Variants in MYO1D observed in about 807,000 individuals in gnomAD.
MYO1D encodes the protein unconventional myosin-Id.
MYO1D carries 83 observed loss-of-function variants against 122.0 expected under a neutral mutation model. The observed-to-expected ratio is 0.68, with a 90% CI of 0.57 to 0.82. MYO1D has a LOEUF of 0.82. Ranked by LOEUF, MYO1D falls within the 40% of genes least tolerant of loss-of-function variation. The pLI is 0.00. For missense variants in MYO1D, 1,157 were observed against 1,269.5 expected (o/e 0.91, Z 1.35); for synonymous variants, 464 against 446.9 (o/e 1.04, Z -0.48).
intron 21 of MYO1D, among the ~76,000 whole-genome samples, chr17:32,581,703 G>C (rs2087341708): frequency 6.6e-6 from 1 of 151,558 alleles, no homozygotes; most frequent in Non-Finnish European, 1.5e-5. Context: ...CTCCTAACTA[G>C]CTGAGAATAC....
chr17:32,543,713 C>T (rs924972264), intron 21 of MYO1D, among the ~76,000 whole-genome samples: 7 of 152,316 alleles, frequency 4.6e-5, no homozygotes, highest in East Asian at 3.9e-4. Flanking sequence ...TGGAGTGTGC[C>T]TAGCACAGAT....
chr17:32,675,182 A>G (rs2088789545), intron 16 of MYO1D, among the ~76,000 whole-genome samples: 2 of 152,224 alleles, frequency 1.3e-5, no homozygotes, highest in Admixed American at 6.5e-5. Flanking sequence ...ATGGTTTATC[A>G]TAACAGTGGG....
chr17:32,517,775 T>C (rs1909945859), intron 21 of MYO1D, among the ~76,000 whole-genome samples: 1 of 152,246 alleles, frequency 6.6e-6, no homozygotes, highest in Admixed American at 6.5e-5. Flanking sequence ...TTTAATTGAT[T>C]TATCACACTT....
At chr17:32,532,081 C>A (rs1910522174) in intron 21 of MYO1D, among the ~76,000 whole-genome samples, 1 of 152,188 alleles carries the variant, frequency 6.6e-6, no homozygotes, top group African/African-American at 2.4e-5. Context: ...CAAGGTCCTG[C>A]ACTGTGCCAT....
intron 6 of MYO1D, 90 bp from the exon 7 acceptor site, chr17:32,767,842 T>A (rs1380538233): frequency 2.2e-6 from 2 of 913,986 alleles, no homozygotes; most frequent in Admixed American, 1.9e-5. Flanking sequence ...ACCAAGGTTT[T>A]GCCTTCATAG....
intron 1 of MYO1D, among the ~76,000 whole-genome samples, chr17:32,861,523 C>T (rs886204384): frequency 2.0e-5 from 3 of 152,116 alleles, no homozygotes; most frequent in Non-Finnish European, 2.9e-5. Context: ...AATGTGTTGT[C>T]ACCCTGATGT....
chr17:32,717,143 T>C (rs1339235411), intron 15 of MYO1D, among the ~76,000 whole-genome samples: 1 of 152,238 alleles, frequency 6.6e-6, no homozygotes, highest in African/African-American at 2.4e-5. Flanking sequence ...CCTCAAGTGG[T>C]TGTCAGTTCC....
intron 20 of MYO1D, among the ~76,000 whole-genome samples, chr17:32,631,274 G>A (rs1377639758): frequency 1.3e-5 from 2 of 152,126 alleles, no homozygotes; most frequent in Admixed American, 6.5e-5. Flanking sequence ...GCCATATGAT[G>A]GAATAATTTT....
chr17:32,800,414 A>G (rs2151042701), intron 1 of MYO1D, among the ~76,000 whole-genome samples: 1 of 152,350 alleles, frequency 6.6e-6, no homozygotes, highest in Middle Eastern at 3.4e-3. Context: ...ATGAACCTAG[A>G]GGACATTATG....
chr17:32,732,838 A>T (rs891482072), intron 14 of MYO1D, among the ~76,000 whole-genome samples: 1 of 152,190 alleles, frequency 6.6e-6, no homozygotes, highest in Non-Finnish European at 1.5e-5. Flanking sequence ...CCCTTCAGGG[A>T]GCCCAGACCT....
At chr17:32,772,469 C>T (rs2090124008) in intron 5 of MYO1D, among the ~76,000 whole-genome samples, 1 of 152,124 alleles carries the variant, frequency 6.6e-6, no homozygotes, top group Admixed American at 6.6e-5. Flanking sequence ...ATTAATTTAA[C>T]ATTTAGAATG....
At chr17:32,638,999 G>A (rs1479310953) in intron 19 of MYO1D, among the ~76,000 whole-genome samples, 164 bp from the exon 20 acceptor site, 1 of 152,090 alleles carries the variant, frequency 6.6e-6, no homozygotes, top group Non-Finnish European at 1.5e-5. Context: ...TGTGGAATTT[G>A]GCAATTGAAA....
chr17:32,554,775 G>T (rs530101759), intron 21 of MYO1D, among the ~76,000 whole-genome samples: 1 of 152,134 alleles, frequency 6.6e-6, no homozygotes, highest in Non-Finnish European at 1.5e-5. Context: ...CATGAAACAC[G>T]TACAAATCAC....
At position 32,780,568 on chromosome 17, in the gene MYO1D, C is replaced by G; in HGVS notation, c.304+8G>C. On this transcript the variant is annotated splice_region_variant and intron_variant, in intron 2 of 21. Transcript: ENST00000318217. The stretch of plus-strand genomic sequence containing the variant: ...ACTTTGGAAATACAGGGGATCCCCT[C>G]CAATTACCTGATATCACAATACAAG... 6.2e-7 allele frequency: 1 copy of G among 1,613,150 alleles called. No individual in the cohort carries two copies. Among genetic ancestry groups the G allele is most frequent in the Non-Finnish European group, 8.5e-7 (1 of 1,179,568 alleles).
chr17:32,527,641 T>TA (rs36077873), intron 21 of MYO1D, among the ~76,000 whole-genome samples: 27,376 of 150,896 alleles, frequency 0.18, 2,848 homozygotes, highest in East Asian at 0.48. Flanking sequence ...AAAAATAAGA[T>TA]AAAAAAAATA....
At chr17:32,632,586 T>TATATACACAC (rs1480751438) in intron 20 of MYO1D, 4 of 96,570 alleles carry the variant, frequency 4.1e-5, no homozygotes. Flanking sequence ...TATATATATA[T>TATATACACAC]ACACACACAC....
intron 1 of MYO1D, among the ~76,000 whole-genome samples, chr17:32,781,972 T>C (rs2090243809): frequency 6.6e-6 from 1 of 152,216 alleles, no homozygotes; most frequent in Non-Finnish European, 1.5e-5. Flanking sequence ...GGTAGACATC[T>C]CTCTCACGTC....
At position 32,494,703 on chromosome 17, in the gene MYO1D, A is replaced by G; in HGVS notation, c.*56T>C. The G allele has an allele frequency of 6.6e-7, 1 of 1,520,078 alleles. No homozygotes were observed. Among genetic ancestry groups the G allele is most frequent in the Non-Finnish European group, 8.8e-7 (1 of 1,134,230 alleles). The allele number at this position is 1,520,078 out of a possible 1,614,324, so 94.2% of individuals were successfully genotyped here. A position where few individuals can be genotyped will look rare whatever the true frequency, so the allele number is the denominator to read the frequency against. On this transcript the variant is annotated 3_prime_UTR_variant, in exon 22 of 22. Transcript: ENST00000318217. ...GCATGGGTTGGGAGGCAGCAGCTGGACTGGGACCCAGGACTCGGAGTGTGG... is the reference window on the plus strand; with the variant it reads ...GCATGGGTTGGGAGGCAGCAGCTGGGCTGGGACCCAGGACTCGGAGTGTGG...
intron 20 of MYO1D, among the ~76,000 whole-genome samples, chr17:32,612,201 CCT>C (rs2087710267): frequency 6.6e-6 from 1 of 151,848 alleles, no homozygotes; most frequent in African/African-American, 2.4e-5. Context: ...AAAAATATAC[CCT>C]GTTTATAAAA....
Sources: allele counts gnomAD v4.1 joint callset (sites outside exome capture counted in the v4.1 genomes callset), GRCh38; gene constraint gnomAD v4.1.1; transcripts MANE v1.5; gene names NCBI Gene and HGNC (gene_info 2026-07-23, HGNC 2026-07-21).